KIAA1328: variants seen among roughly 807,000 people sequenced by gnomAD.
The protein encoded by KIAA1328 is protein hinderin.
In KIAA1328, 52 loss-of-function variants were observed where a neutral mutation model predicts 68.1. The ratio of observed to expected loss-of-function variants is 0.76; its 90% CI spans 0.61 to 0.96. The LOEUF is 0.96. Among genes scored for constraint, KIAA1328 ranks in the 40% least tolerant of loss-of-function variants. The probability of loss-of-function intolerance (pLI) is 0.00; values close to 1 mark genes in which losing one functional copy is unlikely to be tolerated. For missense variants in KIAA1328, 641 were observed against 677.6 expected (o/e 0.95, Z 0.60); for synonymous variants, 232 against 239.4 (o/e 0.97, Z 0.28).
chr18:37,084,081 T>C, intron 7 of KIAA1328: 1 of 1,188,904 alleles, frequency 8.4e-7, no homozygotes, highest in Non-Finnish European at 1.1e-6. Flanking sequence ...ATTCAGGTTA[T>C]CAGGCTTCAC....
At chr18:37,005,770 A>G (rs564053653) in intron 6 of KIAA1328, among the ~76,000 whole-genome samples, 2 of 152,332 alleles carry the variant, frequency 1.3e-5, no homozygotes, top group South Asian at 4.1e-4. Flanking sequence ...CTATTCAGCC[A>G]TAAAAAGAAT....
chr18:37,155,623 G>C (rs906030807), intron 7 of KIAA1328, among the ~76,000 whole-genome samples: 2 of 152,086 alleles, frequency 1.3e-5, no homozygotes, highest in Admixed American at 1.3e-4. Context: ...TCTCTAAATG[G>C]TGCCAGAGTA....
chr18:36,980,616 G>C (rs935095047), intron 6 of KIAA1328, among the ~76,000 whole-genome samples: 2 of 152,140 alleles, frequency 1.3e-5, no homozygotes, highest in Non-Finnish European at 2.9e-5. Context: ...GAAGTAATGA[G>C]AAGTACAATT....
intron 6 of KIAA1328, among the ~76,000 whole-genome samples, chr18:37,056,000 T>C (rs2055891610): frequency 6.6e-6 from 1 of 152,224 alleles, no homozygotes; most frequent in African/African-American, 2.4e-5. Context: ...CAACCTGTTA[T>C]AAGAAATTAT....
intron 7 of KIAA1328, among the ~76,000 whole-genome samples, chr18:37,096,687 C>A (rs1270882429): frequency 1.3e-5 from 2 of 152,216 alleles, no homozygotes; most frequent in Non-Finnish European, 2.9e-5. Context: ...TACAGTCCCA[C>A]CAACAGTGTA....
intron 3 of KIAA1328, among the ~76,000 whole-genome samples, chr18:36,839,641 T>G (rs2046793742): frequency 6.6e-6 from 1 of 152,204 alleles, no homozygotes; most frequent in South Asian, 2.1e-4. Flanking sequence ...CAAGACAGTA[T>G]GCATTTTGCC....
At chr18:37,068,191 A>G (rs1169324595) in intron 7 of KIAA1328, among the ~76,000 whole-genome samples, 1 of 152,170 alleles carries the variant, frequency 6.6e-6, no homozygotes, top group Non-Finnish European at 1.5e-5. Flanking sequence ...CATTAAGTAA[A>G]AGCTTGAGAT....
chr18:37,182,317 C>T (rs565375344), intron 9 of KIAA1328, among the ~76,000 whole-genome samples: 1 of 152,022 alleles, frequency 6.6e-6, no homozygotes, highest in Non-Finnish European at 1.5e-5. Context: ...AAGTAAAGCT[C>T]CAAGAGACAA....
chr18:36,917,347 A>T (rs1279343428), intron 5 of KIAA1328, among the ~76,000 whole-genome samples: 1 of 152,080 alleles, frequency 6.6e-6, no homozygotes, highest in Non-Finnish European at 1.5e-5. Flanking sequence ...CTTCCCAAGT[A>T]TCTGGGACTA....
intron 6 of KIAA1328, among the ~76,000 whole-genome samples, chr18:37,015,357 G>T (rs191688863): frequency 3.3e-5 from 5 of 152,038 alleles, no homozygotes; most frequent in East Asian, 1.9e-4. Context: ...ATTGGTCTAC[G>T]TGTCTGTTTT....
At chr18:37,212,712 A>G (rs564210059) in intron 9 of KIAA1328, among the ~76,000 whole-genome samples, 2 of 152,098 alleles carry the variant, frequency 1.3e-5, no homozygotes, top group African/African-American at 4.8e-5. Context: ...CTTCAAATTT[A>G]TTTATTTTAT....
rs563101247 is a variant in KIAA1328 at position 36,870,725 on chromosome 18, A to G, written c.333-14832A>G. ...TATTAACTAAACTCATATCTCACCA[A>G]TGTCATTTCACTAATATCACTTTTT... On this transcript the variant is annotated intron_variant, in intron 4 of 9. Coordinates refer to ENST00000280020, the MANE Select transcript of KIAA1328 (RefSeq NM_020776.3). 1.4e-4 allele frequency among the ~76,000 whole-genome samples: 21 copies of G among 152,330 alleles called. 1 individual carries two copies. In the South Asian group the frequency reaches 3.9e-3, roughly 29 times the overall value.
chr18:36,845,988 AC>A (rs774074603), intron 4 of KIAA1328, among the ~76,000 whole-genome samples: 52 of 151,548 alleles, frequency 3.4e-4, no homozygotes, highest in Admixed American at 1.1e-3. Context: ...CTGCTAAAGA[AC>A]CCCATTATTA....
At chr18:37,065,775 A>G (rs1158745616) in intron 6 of KIAA1328, among the ~76,000 whole-genome samples, 1 of 152,222 alleles carries the variant, frequency 6.6e-6, no homozygotes, top group Admixed American at 6.5e-5. Flanking sequence ...AAACACATGC[A>G]ACATTTACAT....
At chr18:36,939,865 A>G (rs926584095) in intron 5 of KIAA1328, among the ~76,000 whole-genome samples, 1 of 152,126 alleles carries the variant, frequency 6.6e-6, no homozygotes, top group Non-Finnish European at 1.5e-5. Flanking sequence ...GTTTTTATTG[A>G]ACAAATGTCT....
intron 7 of KIAA1328, chr18:37,084,453 C>A: frequency 2.3e-5 from 6 of 261,168 alleles, no homozygotes; most frequent in East Asian, 6.5e-5. Flanking sequence ...GAGCCCTTTT[C>A]TACTATTTCT....
chr18:37,120,336 A>G (rs533966837), intron 7 of KIAA1328, among the ~76,000 whole-genome samples: 1 of 152,288 alleles, frequency 6.6e-6, no homozygotes, highest in South Asian at 2.1e-4. Flanking sequence ...GAGAACAGTA[A>G]TGTCAGGTGT....
intron 7 of KIAA1328, among the ~76,000 whole-genome samples, chr18:37,159,762 C>T (rs2059236820): frequency 6.6e-6 from 1 of 152,098 alleles, no homozygotes; most frequent in Admixed American, 6.6e-5. Flanking sequence ...ATAATAAATA[C>T]TAATAACAAT....
At chr18:36,891,790 A>G (rs548103151) in intron 5 of KIAA1328, among the ~76,000 whole-genome samples, 3 of 152,264 alleles carry the variant, frequency 2.0e-5, no homozygotes, top group South Asian at 4.1e-4. Flanking sequence ...TGTCCTTTTC[A>G]TATAATGGCT....
Sources: gnomAD v4.1 joint callset for allele counts (sites outside exome capture counted in the v4.1 genomes callset) on GRCh38, gnomAD v4.1.1 for gene constraint, MANE v1.5 for transcripts, NCBI Gene and HGNC (gene_info 2026-07-23, HGNC 2026-07-21) for gene names.